The following DLG2 variants were observed in gnomAD, a reference collection of about 807,000 sequenced individuals.
DLG2 encodes disks large homolog 2.
DLG2 carries 45 observed loss-of-function variants against 132.5 expected under a neutral mutation model. The observed-to-expected ratio is 0.34, with a 90% CI of 0.27 to 0.44. The LOEUF (loss-of-function observed/expected upper bound fraction) is 0.44, where lower values mean the gene tolerates loss of function less well. Ranked by LOEUF, DLG2 falls within the 20% of genes least tolerant of loss-of-function variation. DLG2 has a pLI of 1.00. For synonymous variants in DLG2, 424 were observed against 419.6 expected, an observed-to-expected ratio of 1.01 and a Z score of -0.13; for missense variants, 1,045 against 1,196.9, an observed-to-expected ratio of 0.87 and a Z score of 1.87.
At chr11:85,595,532 G>GT (rs1335263422) in intron 3 of DLG2, among the ~76,000 whole-genome samples, 1 of 151,748 alleles carries the variant, frequency 6.6e-6, no homozygotes, top group Non-Finnish European at 1.5e-5. Context: ...CTGTTTCAGG[G>GT]TTTTTTTTAT....
At chr11:85,479,498 A>C (rs2093233855) in intron 3 of DLG2, among the ~76,000 whole-genome samples, 1 of 152,240 alleles carries the variant, frequency 6.6e-6, no homozygotes, top group South Asian at 2.1e-4. Flanking sequence ...TTAAGTCTAT[A>C]ACAGTATCCA....
chr11:84,077,804 G>C (rs779291933), intron 10 of DLG2, among the ~76,000 whole-genome samples: 3 of 151,920 alleles, frequency 2.0e-5, no homozygotes, highest in Non-Finnish European at 4.4e-5. Flanking sequence ...CTTTCTCCTT[G>C]AACTTATGTT....
At chr11:85,424,373 A>G (rs1277812670) in intron 3 of DLG2, among the ~76,000 whole-genome samples, 1 of 152,126 alleles carries the variant, frequency 6.6e-6, no homozygotes, top group Admixed American at 6.6e-5. Flanking sequence ...TTCATGATGC[A>G]AGGCTTCATA....
intron 8 of DLG2, among the ~76,000 whole-genome samples, chr11:84,242,405 T>C (rs1021953880): frequency 9.9e-5 from 15 of 151,956 alleles, no homozygotes; most frequent in Non-Finnish European, 2.1e-4. Context: ...CCAATCTAAA[T>C]AGAACTTTTT....
At chr11:85,516,707 T>C (rs286509) in intron 3 of DLG2, among the ~76,000 whole-genome samples, 16,859 of 152,018 alleles carry the variant, frequency 0.11, 1,191 homozygotes, top group East Asian at 0.31. Flanking sequence ...ACATAGAACC[T>C]TCCAAGATTG....
At chr11:83,965,198 T>G (rs1237126034) in intron 13 of DLG2, 126 bp downstream of exon 13, 1 of 1,043,484 alleles carries the variant, frequency 9.6e-7, no homozygotes, top group Non-Finnish European at 1.4e-6. Flanking sequence ...TTTAGGATAC[T>G]CCCTCTGAAG....
At chr11:83,935,406 T>C (rs936593913) in intron 14 of DLG2, among the ~76,000 whole-genome samples, 2 of 152,204 alleles carry the variant, frequency 1.3e-5, no homozygotes, top group Non-Finnish European at 2.9e-5. Context: ...AGTATCAGGC[T>C]GTGAACTATG....
intron 6 of DLG2, among the ~76,000 whole-genome samples, chr11:84,951,626 A>G (rs1591744064): frequency 6.7e-6 from 1 of 150,186 alleles, no homozygotes; most frequent in East Asian, 1.9e-4. Flanking sequence ...ATATATATGC[A>G]TTCTATATAT....
intron 3 of DLG2, among the ~76,000 whole-genome samples, chr11:85,470,077 A>G (rs1295878401): frequency 6.6e-6 from 1 of 152,054 alleles, no homozygotes; most frequent in Non-Finnish European, 1.5e-5. Flanking sequence ...TTCCTCTGAC[A>G]ATCTCACCAA....
intron 4 of DLG2, among the ~76,000 whole-genome samples, chr11:85,217,827 T>C (rs181726135): frequency 6.6e-6 from 1 of 152,342 alleles, no homozygotes; most frequent in East Asian, 1.9e-4. Flanking sequence ...TTTGTGGACT[T>C]TGTCAAAAAT....
chr11:84,697,718 T>C (rs933471073), intron 6 of DLG2, among the ~76,000 whole-genome samples: 8 of 151,492 alleles, frequency 5.3e-5, no homozygotes, highest in African/African-American at 1.9e-4. Flanking sequence ...TCCAAAATCA[T>C]TTCTGAAGAA....
In DLG2 at chr11:85,189,942, T is replaced by A. The variant is rs118130879; in HGVS notation, c.187-35291A>T. Among the ~76,000 whole-genome samples the A allele has an allele frequency of 1.2e-3, 185 of 152,266 alleles. No homozygotes were observed. In the East Asian group the frequency reaches 0.03, roughly 24 times the overall value. On this transcript the variant is annotated intron_variant, in intron 4 of 27. Transcript: ENST00000376104. ...TCCTGAGTAGCTAGGACTACAGATG[T>A]GAGCCACCTTGACTGGAGGATGTAT...
rs536394329 is a variant in DLG2, at chr11:84,483,262, G to A, written c.519+51308C>T. 4.6e-5 allele frequency among the ~76,000 whole-genome samples: 7 copies of A among 151,712 alleles called. No individual in the cohort carries two copies. The South Asian group carries it at 6.3e-4, about 14-fold the overall frequency. On this transcript the variant is annotated intron_variant, in intron 7 of 27. Coordinates refer to ENST00000376104, the MANE Select transcript of DLG2 (RefSeq NM_001142699.3). ...AGCCTGGCCAACCTAGTGAAACCCC[G>A]TCTCTACAAAAATACAAAAATTAGG...
Position 85,044,066 on chromosome 11 carries a change from C to G in DLG2, c.357+67595G>C, listed in dbSNP as rs573224175. Among the ~76,000 whole-genome samples, 12 of 152,120 alleles carry G rather than the reference C, an allele frequency of 7.9e-5. No homozygotes were observed. The South Asian group carries it at 2.3e-3, about 29-fold the overall frequency. ...AGTTTCTGAATGGCCCCTGATCTTT[C>G]TCTTCTGGACCTCCATGCACATGCT... On this transcript the variant is annotated intron_variant, in intron 6 of 27. Coordinates refer to ENST00000376104, the MANE Select transcript of DLG2 (RefSeq NM_001142699.3).
intron 3 of DLG2, among the ~76,000 whole-genome samples, chr11:85,501,353 GC>G (rs1217878927): frequency 1.3e-5 from 2 of 152,132 alleles, no homozygotes; most frequent in Non-Finnish European, 1.5e-5. Flanking sequence ...CAGGACATAG[GC>G]ATGGGCAAAG....
Position 83,864,955 on chromosome 11 carries a change from C to G in DLG2, c.1565+9465G>C, listed in dbSNP as rs193107796. ...AGCCATGCCACCTTCCAGGTCACAGCCAGGCAAGGTACCAACAGAATGAAA... is the reference window on the plus strand; with the variant it reads ...AGCCATGCCACCTTCCAGGTCACAGGCAGGCAAGGTACCAACAGAATGAAA... On this transcript the variant is annotated intron_variant, in intron 16 of 27. Coordinates refer to ENST00000376104, the MANE Select transcript of DLG2 (RefSeq NM_001142699.3). Among the ~76,000 whole-genome samples the G allele has an allele frequency of 5.0e-4, 76 of 152,218 alleles. No homozygotes were observed. In the Middle Eastern group the frequency reaches 0.014, roughly 27 times the overall value.
intron 6 of DLG2, among the ~76,000 whole-genome samples, chr11:84,981,002 A>G (rs941344549): frequency 7.2e-5 from 11 of 152,132 alleles, no homozygotes; most frequent in Admixed American, 6.5e-4. Flanking sequence ...AGCGTTCACC[A>G]CACAGTTTTA....
intron 7 of DLG2, among the ~76,000 whole-genome samples, chr11:84,449,995 T>C (rs1360855989): frequency 6.6e-6 from 1 of 151,898 alleles, no homozygotes; most frequent in Non-Finnish European, 1.5e-5. Flanking sequence ...TCTACCATCT[T>C]ATGTATATCA....
intron 6 of DLG2, among the ~76,000 whole-genome samples, chr11:84,971,118 G>T (rs560027969): frequency 6.6e-6 from 1 of 152,148 alleles, no homozygotes; most frequent in African/African-American, 2.4e-5. Flanking sequence ...AATAACATGA[G>T]AGGTACAAAG....
Sources: gnomAD v4.1 joint callset for allele counts (sites outside exome capture counted in the v4.1 genomes callset) on GRCh38, gnomAD v4.1.1 for gene constraint, MANE v1.5 for transcripts, NCBI Gene and HGNC (gene_info 2026-07-23, HGNC 2026-07-21) for gene names.